ABCA13: variants seen among roughly 807,000 people sequenced by gnomAD.
ABCA13 encodes the protein ATP binding cassette subfamily A member 13, also known as ATP-binding cassette sub-family A member 13.
A neutral mutation model predicts 478.7 loss-of-function variants in ABCA13; 476 were observed. The ratio of observed to expected loss-of-function variants is 0.99; its 90% CI spans 0.92 to 1.07. The LOEUF (loss-of-function observed/expected upper bound fraction) is 1.07. Among genes scored for constraint, ABCA13 ranks in the 50% least tolerant of loss-of-function variants. The pLI, the probability that ABCA13 is intolerant of heterozygous loss-of-function variation, is 0.00. For missense variants in ABCA13, 6,060 were observed against 5,910.6 expected (o/e 1.03, Z -0.83); for synonymous variants, 2,252 against 2,158.9 (o/e 1.04, Z -1.20).
At chr7:48,451,072 A>G (rs1260149742) in intron 42 of ABCA13, among the ~76,000 whole-genome samples, 1 of 144,756 alleles carries the variant, frequency 6.9e-6, no homozygotes, top group Non-Finnish European at 1.5e-5. Context: ...ATCTTGGCTC[A>G]CTGCAACCTC....
intron 58 of ABCA13, among the ~76,000 whole-genome samples, chr7:48,598,596 G>A (rs1790541364): frequency 6.6e-6 from 1 of 152,064 alleles, no homozygotes; most frequent in African/African-American, 2.4e-5. Flanking sequence ...GTCCCTTGCT[G>A]GATAAATGAT....
chr7:48,219,967 G>A (rs1476702456), intron 4 of ABCA13, among the ~76,000 whole-genome samples: 1 of 148,704 alleles, frequency 6.7e-6, no homozygotes, highest in South Asian at 2.1e-4. Context: ...TTGTATATTT[G>A]GATTGGTCTT....
At chr7:48,262,197 C>T (rs1475509408) in intron 15 of ABCA13, among the ~76,000 whole-genome samples, 1 of 151,948 alleles carries the variant, frequency 6.6e-6, no homozygotes, top group Non-Finnish European at 1.5e-5. Flanking sequence ...TCCATACCAT[C>T]AGCTGTGTCT....
chr7:48,396,572 G>A (rs1206584672), intron 38 of ABCA13, among the ~76,000 whole-genome samples: 2 of 152,136 alleles, frequency 1.3e-5, no homozygotes, highest in East Asian at 3.9e-4. Context: ...TGTAGCATGT[G>A]GGCATGGTCT....
intron 41 of ABCA13, among the ~76,000 whole-genome samples, chr7:48,416,782 G>A (rs1820065114): frequency 6.6e-6 from 1 of 151,880 alleles, no homozygotes; most frequent in Non-Finnish European, 1.5e-5. Flanking sequence ...CCTCCCACCT[G>A]CCCCAGACCC....
At chr7:48,256,647 G>A (rs1242959203) in intron 15 of ABCA13, among the ~76,000 whole-genome samples, 1 of 151,966 alleles carries the variant, frequency 6.6e-6, no homozygotes, top group Non-Finnish European at 1.5e-5. Flanking sequence ...TGTCTATTCT[G>A]TTCCGTTGGT....
At chr7:48,603,379 T>A (rs1266646604) in intron 58 of ABCA13, among the ~76,000 whole-genome samples, 3 of 152,144 alleles carry the variant, frequency 2.0e-5, no homozygotes, top group African/African-American at 7.2e-5. Context: ...TCATAAATAA[T>A]CTTATTATTT....
intron 29 of ABCA13, among the ~76,000 whole-genome samples, chr7:48,348,678 C>T (rs1353563225): frequency 6.6e-6 from 1 of 152,144 alleles, no homozygotes; most frequent in Non-Finnish European, 1.5e-5. Context: ...GGCTTTATGC[C>T]TTTTTTATAT....
chr7:48,274,389 GA>G lies in ABCA13; in HGVS notation c.4727del (p.Asn1576ThrfsTer3). 2 of 1,612,672 alleles carry G rather than the reference GA, an allele frequency of 1.2e-6. No individual in the cohort carries two copies. The highest frequency in any genetic ancestry group is 1.7e-6 in the Non-Finnish European group (2 of 1,179,558). ...GGAAAATAATTCCTCTTCTAAAACT[GA>G]AAACTTGTTAAACATATTTGCCACC... ...ILENNSSSKT[E>X]NLLNIFATSP... On this transcript the variant is annotated frameshift_variant, in exon 17 of 62. Transcript: ENST00000435803. LOFTEE classifies it high-confidence loss of function.
chr7:48,271,372 C>G (rs920573933), intron 16 of ABCA13, among the ~76,000 whole-genome samples: 13 of 152,144 alleles, frequency 8.5e-5, no homozygotes, highest in African/African-American at 3.1e-4. Flanking sequence ...ACTGGGAGTG[C>G]CCACACCTTG....
At chr7:48,498,163 G>T (rs186537071) in intron 48 of ABCA13, among the ~76,000 whole-genome samples, 10 of 152,316 alleles carry the variant, frequency 6.6e-5, no homozygotes, top group Admixed American at 1.3e-4. Context: ...GTCAGGTGGG[G>T]AGTGGAAGAT....
At chr7:48,363,796 C>T (rs961337066) in intron 31 of ABCA13, among the ~76,000 whole-genome samples, 2 of 151,906 alleles carry the variant, frequency 1.3e-5, no homozygotes, top group African/African-American at 4.8e-5. Context: ...TTATATCTTT[C>T]TGCTACTTTA....
At chr7:48,195,437 G>C (rs1797798639) in intron 2 of ABCA13, among the ~76,000 whole-genome samples, 1 of 152,132 alleles carries the variant, frequency 6.6e-6, no homozygotes, top group Non-Finnish European at 1.5e-5. Context: ...AGTGGGAAAA[G>C]GGCAGATTCA....
chr7:48,529,826 T>A (rs1011352369), intron 55 of ABCA13, among the ~76,000 whole-genome samples: 1 of 152,216 alleles, frequency 6.6e-6, no homozygotes, highest in East Asian at 1.9e-4. Flanking sequence ...TTTTAATTAA[T>A]CCTTGCAGTC....
intron 58 of ABCA13, among the ~76,000 whole-genome samples, chr7:48,595,661 A>C (rs1476730661): frequency 6.6e-6 from 1 of 152,172 alleles, no homozygotes; most frequent in Non-Finnish European, 1.5e-5. Flanking sequence ...CCTAAACCCC[A>C]GTTTCTATTG....
At chr7:48,335,056 G>T (rs901065479) in intron 27 of ABCA13, among the ~76,000 whole-genome samples, 4 of 152,096 alleles carry the variant, frequency 2.6e-5, no homozygotes, top group African/African-American at 9.7e-5. Flanking sequence ...AATAGTGTTG[G>T]GTACCATTAA....
At chr7:48,368,368 G>T (rs1172085760) in intron 32 of ABCA13, among the ~76,000 whole-genome samples, 1 of 151,820 alleles carries the variant, frequency 6.6e-6, no homozygotes, top group Non-Finnish European at 1.5e-5. Flanking sequence ...ACATGAATAA[G>T]TTCTTCGGTA....
intron 1 of ABCA13, among the ~76,000 whole-genome samples, chr7:48,175,714 G>A (rs1320576943): frequency 2.6e-5 from 4 of 152,032 alleles, no homozygotes; most frequent in Non-Finnish European, 4.4e-5. Flanking sequence ...AGCCACTGCG[G>A]TGGACCTATG....
chr7:48,230,747 C>T (rs1162038321), intron 7 of ABCA13, among the ~76,000 whole-genome samples: 44 of 146,616 alleles, frequency 3.0e-4, no homozygotes, highest in African/African-American at 1.0e-3. Context: ...ATCCATCCAT[C>T]CGTCCATCCA....
Sources: gnomAD v4.1 joint callset for allele counts (sites outside exome capture counted in the v4.1 genomes callset) on GRCh38, gnomAD v4.1.1 for gene constraint, MANE v1.5 for transcripts, NCBI Gene and HGNC (gene_info 2026-07-23, HGNC 2026-07-21) for gene names.